CNTN5: variants seen among roughly 807,000 people sequenced by gnomAD.
The protein encoded by CNTN5 is contactin-5.
Under a neutral mutation model 129.1 loss-of-function variants are expected in CNTN5, and 77 were observed. The ratio of observed to expected loss-of-function variants is 0.60; its 90% CI spans 0.50 to 0.72. CNTN5 has a LOEUF of 0.72. Among genes scored for constraint, CNTN5 ranks in the 30% least tolerant of loss-of-function variants. CNTN5 has a pLI of 0.00. For synonymous variants in CNTN5, 509 were observed against 465.6 expected, an observed-to-expected ratio of 1.09 and a Z score of -1.20; for missense variants, 1,478 against 1,328.8, an observed-to-expected ratio of 1.11 and a Z score of -1.75.
intron 13 of CNTN5, among the ~76,000 whole-genome samples, chr11:100,109,316 C>T (rs1021072477): frequency 1.3e-5 from 2 of 152,132 alleles, no homozygotes; most frequent in Admixed American, 6.5e-5. Flanking sequence ...ATCCCAGCTA[C>T]TCGGGAGGCT....
intron 2 of CNTN5, among the ~76,000 whole-genome samples, chr11:99,357,379 C>A (rs12576562): frequency 0.053 from 8,063 of 152,088 alleles, 438 homozygotes; most frequent in East Asian, 0.19. Flanking sequence ...TTCTTCATAA[C>A]TGAAATTAAA....
chr11:99,825,818 G>T (rs1565575383), intron 4 of CNTN5, among the ~76,000 whole-genome samples: 1 of 151,766 alleles, frequency 6.6e-6, no homozygotes, highest in African/African-American at 2.4e-5. Flanking sequence ...TTGCCATTTT[G>T]TACCTTTACT....
At chr11:100,219,413 T>C (rs748973211) in intron 15 of CNTN5, among the ~76,000 whole-genome samples, 2 of 152,208 alleles carry the variant, frequency 1.3e-5, no homozygotes, top group African/African-American at 4.8e-5. Flanking sequence ...AAACATGAGA[T>C]TGATAAATTA....
At chr11:99,990,515 T>C (rs1939010435) in intron 8 of CNTN5, among the ~76,000 whole-genome samples, 1 of 150,944 alleles carries the variant, frequency 6.6e-6, no homozygotes. Context: ...CATTTTCTCC[T>C]AATGATAAAA....
intron 10 of CNTN5, among the ~76,000 whole-genome samples, chr11:100,068,176 A>G (rs969884754): frequency 6.6e-6 from 1 of 152,114 alleles, no homozygotes; most frequent in Non-Finnish European, 1.5e-5. Flanking sequence ...TAAGTTTAGA[A>G]TCATCTCTAC....
chr11:99,520,701 C>A (rs537056654), intron 2 of CNTN5, among the ~76,000 whole-genome samples: 41 of 152,090 alleles, frequency 2.7e-4, no homozygotes, highest in African/African-American at 9.1e-4. Context: ...GTACATACAA[C>A]CTCCTGCTTT....
intron 3 of CNTN5, among the ~76,000 whole-genome samples, chr11:99,711,022 T>C (rs1395442834): frequency 1.3e-5 from 2 of 151,976 alleles, no homozygotes; most frequent in African/African-American, 2.4e-5. Flanking sequence ...TGCATACTTA[T>C]TCAAAGGAGT....
chr11:99,735,979 G>A (rs1416391534), intron 3 of CNTN5, among the ~76,000 whole-genome samples: 1 of 151,966 alleles, frequency 6.6e-6, no homozygotes, highest in Non-Finnish European at 1.5e-5. Flanking sequence ...CTGCTTCTAC[G>A]AACTGAATAG....
chr11:99,708,952 C>T (rs1954862171), intron 3 of CNTN5, among the ~76,000 whole-genome samples: 1 of 151,822 alleles, frequency 6.6e-6, no homozygotes. Context: ...AATCTCCTCA[C>T]TAATACCTAT....
chr11:99,766,887 A>T (rs1219768024), intron 3 of CNTN5, among the ~76,000 whole-genome samples: 2 of 152,100 alleles, frequency 1.3e-5, no homozygotes, highest in Non-Finnish European at 2.9e-5. Context: ...ATTATCTCAG[A>T]TTACAACGAT....
chr11:99,901,992 G>A (rs182618768), intron 6 of CNTN5, among the ~76,000 whole-genome samples: 2 of 152,226 alleles, frequency 1.3e-5, no homozygotes, highest in Non-Finnish European at 1.5e-5. Flanking sequence ...GTTTATCTAA[G>A]GTTACATGGT....
At chr11:99,892,466 C>A (rs564411379) in intron 6 of CNTN5, among the ~76,000 whole-genome samples, 26 of 152,284 alleles carry the variant, frequency 1.7e-4, no homozygotes, top group African/African-American at 5.5e-4. Flanking sequence ...TTAGGTCTTA[C>A]ATTTAAGTCT....
chr11:100,126,187 T>A (rs2138186299), intron 13 of CNTN5, among the ~76,000 whole-genome samples: 1 of 152,226 alleles, frequency 6.6e-6, no homozygotes, highest in East Asian at 1.9e-4. Context: ...GATTTTGAGT[T>A]TTTTTTAATT....
intron 3 of CNTN5, among the ~76,000 whole-genome samples, chr11:99,650,467 G>A (rs1952113527): frequency 6.6e-6 from 1 of 151,768 alleles, no homozygotes; most frequent in Admixed American, 6.6e-5. Flanking sequence ...AGGCTTTTGT[G>A]GGATAGGCTA....
intron 2 of CNTN5, among the ~76,000 whole-genome samples, chr11:99,424,068 A>G (rs529845829): frequency 1.3e-5 from 2 of 152,290 alleles, no homozygotes; most frequent in East Asian, 3.9e-4. Context: ...TTTTTCCTAT[A>G]CGTACATACA....
intron 13 of CNTN5, among the ~76,000 whole-genome samples, chr11:100,189,435 G>A (rs1390688933): frequency 1.3e-5 from 2 of 152,020 alleles, no homozygotes; most frequent in African/African-American, 4.8e-5. Context: ...TACTGCCAGT[G>A]TCTGTGACAC....
intron 8 of CNTN5, among the ~76,000 whole-genome samples, chr11:99,991,688 A>G (rs1220303106): frequency 6.6e-6 from 1 of 152,172 alleles, no homozygotes; most frequent in African/African-American, 2.4e-5. Flanking sequence ...CTGCCTTTCA[A>G]TAGCAAACTA....
At chr11:99,294,957 A>G (rs1292612002) in intron 1 of CNTN5, among the ~76,000 whole-genome samples, 2 of 152,068 alleles carry the variant, frequency 1.3e-5, no homozygotes, top group Non-Finnish European at 2.9e-5. Flanking sequence ...CCTTAGCACC[A>G]CTCTCAGTTA....
intron 9 of CNTN5, among the ~76,000 whole-genome samples, chr11:100,022,011 G>T (rs1941181300): frequency 6.6e-6 from 1 of 152,158 alleles, no homozygotes; most frequent in African/African-American, 2.4e-5. Flanking sequence ...CTCACTGGCA[G>T]CTGATTGGAT....
Sources: allele counts gnomAD v4.1 joint callset (sites outside exome capture counted in the v4.1 genomes callset), GRCh38; gene constraint gnomAD v4.1.1; transcripts MANE v1.5; gene names NCBI Gene and HGNC (gene_info 2026-07-23, HGNC 2026-07-21).